Variants in C3orf70 observed in about 807,000 individuals in gnomAD.
C3orf70 encodes UPF0524 protein C3orf70.
A neutral mutation model predicts 20.7 loss-of-function variants in C3orf70; 15 were observed. The observed-to-expected ratio is 0.72, with a 90% CI of 0.48 to 1.11. The LOEUF is 1.11. Among genes scored for constraint, C3orf70 ranks in the 50% most tolerant of loss-of-function variants. C3orf70 has a pLI of 0.00. For missense variants in C3orf70, 332 were observed against 317.6 expected, an observed-to-expected ratio of 1.05 and a Z score of -0.34; for synonymous variants, 161 against 125.7, an observed-to-expected ratio of 1.28 and a Z score of -1.88.
intron 1 of C3orf70, among the ~76,000 whole-genome samples, chr3:185,092,341 C>A (rs61083784): frequency 0.024 from 3,651 of 152,142 alleles, 117 homozygotes; most frequent in African/African-American, 0.083. Flanking sequence ...GCCATCCCTG[C>A]CCAAGCCCAG....
chr3:185,085,958 G>A (rs985123185), intron 1 of C3orf70, among the ~76,000 whole-genome samples: 5 of 152,178 alleles, frequency 3.3e-5, no homozygotes, highest in African/African-American at 9.7e-5. Context: ...ACTGAGCTCA[G>A]GAGGCTGTGG....
At chr3:185,125,424 AACAAC>A (rs570879383) in intron 1 of C3orf70, among the ~76,000 whole-genome samples, 552 of 142,032 alleles carry the variant, frequency 3.9e-3, no homozygotes, top group Non-Finnish European at 4.2e-3. Flanking sequence ...CAACAACAAC[AACAAC>A]AAAAACCAGT....
chr3:185,100,051 A>G (rs1285406192), intron 1 of C3orf70, among the ~76,000 whole-genome samples: 1 of 152,202 alleles, frequency 6.6e-6, no homozygotes, highest in East Asian at 1.9e-4. Context: ...CCAGATTCAC[A>G]AAGCAAGTTC....
chr3:185,123,995 G>A (rs1202863311), intron 1 of C3orf70, among the ~76,000 whole-genome samples: 1 of 152,088 alleles, frequency 6.6e-6, no homozygotes, highest in Non-Finnish European at 1.5e-5. Context: ...AAATATTCGG[G>A]GAAAAACTGG....
chr3:185,083,131 CCTT>C lies in C3orf70; in HGVS notation c.626_628del (p.Glu209del), dbSNP rs755723232. On this transcript the variant is annotated inframe_deletion, in exon 2 of 2. Coordinates refer to ENST00000335012, the MANE Select transcript of C3orf70 (RefSeq NM_001025266.3). ...ATCTTCCTCTGAACTCAGTTCTGCT[CCTT>C]CTTCTGTGTCCTCGTCACACGATTC... 41 of 1,614,174 alleles carry C rather than the reference CCTT, an allele frequency of 2.5e-5. No individual in the cohort carries two copies. The highest frequency in any genetic ancestry group is 8.0e-5 in the African/African-American group (6 of 75,030).
In C3orf70 at chr3:185,110,125, A is replaced by G. The variant is rs997590151; in HGVS notation, c.197-26562T>C. The stretch of plus-strand genomic sequence containing the variant: ...TAGTGGCACCTCAACCTCATATGAT[A>G]TGGCCCGCTGTAGGAGCTAAACACA... On this transcript the variant is annotated intron_variant, in intron 1 of 1. Transcript: ENST00000335012. Among the ~76,000 whole-genome samples the G allele has an allele frequency of 2.0e-5, 3 of 152,346 alleles. No homozygotes were observed. The South Asian group carries it at 6.2e-4, about 32-fold the overall frequency.
chr3:185,134,536 A>G (rs959352516), intron 1 of C3orf70, among the ~76,000 whole-genome samples: 4 of 152,152 alleles, frequency 2.6e-5, no homozygotes, highest in Non-Finnish European at 5.9e-5. Flanking sequence ...GGGCTAAAAA[A>G]GTTGTCAATC....
At chr3:185,096,664 C>T (rs937955170) in intron 1 of C3orf70, among the ~76,000 whole-genome samples, 5 of 152,114 alleles carry the variant, frequency 3.3e-5, no homozygotes, top group South Asian at 2.1e-4. Flanking sequence ...GAAGGGTCTG[C>T]GGGAGGTCTG....
intron 1 of C3orf70, among the ~76,000 whole-genome samples, chr3:185,087,251 C>T (rs562543601): frequency 1.3e-5 from 2 of 152,294 alleles, no homozygotes; most frequent in South Asian, 2.1e-4. Context: ...GGAAAAGATA[C>T]TCAGAGTGAG....
chr3:185,108,265 T>A lies in C3orf70; in HGVS notation c.197-24702A>T, dbSNP rs192354053. On this transcript the variant is annotated intron_variant, in intron 1 of 1. Transcript: ENST00000335012. ...GGTCTAGCAATGGTAAAGCTTCTTA[T>A]TCTGGCTCAAAAAGTAAAGTTTTCC... Among the ~76,000 whole-genome samples the A allele has an allele frequency of 1.1e-4, 17 of 152,348 alleles. No homozygotes were observed. In the East Asian group the frequency reaches 3.3e-3, roughly 29 times the overall value.
At chr3:185,149,801 G>C (rs191263379) in intron 1 of C3orf70, among the ~76,000 whole-genome samples, 45 of 152,278 alleles carry the variant, frequency 3.0e-4, no homozygotes, top group African/African-American at 1.0e-3. Flanking sequence ...GTGGAGAACC[G>C]GAGGACTGCC....
At chr3:185,111,750 G>A (rs1258937371) in intron 1 of C3orf70, among the ~76,000 whole-genome samples, 3 of 152,092 alleles carry the variant, frequency 2.0e-5, no homozygotes, top group African/African-American at 7.2e-5. Context: ...ACTAGGAGAG[G>A]GTTCTCTTCT....
chr3:185,084,917 G>A (rs1321861870), intron 1 of C3orf70, among the ~76,000 whole-genome samples: 3 of 152,134 alleles, frequency 2.0e-5, no homozygotes, highest in Admixed American at 6.5e-5. Flanking sequence ...CCAATTTATC[G>A]GTTCATGTTG....
rs558961410 is a variant in C3orf70 at position 185,107,784 on chromosome 3, T to G, written c.197-24221A>C. ...TCAGTTATACAACCTATGTGAGCATTACAGCCAGGATTGCCTTCTCCTGCT... is the reference window on the plus strand; with the variant it reads ...TCAGTTATACAACCTATGTGAGCATGACAGCCAGGATTGCCTTCTCCTGCT... On this transcript the variant is annotated intron_variant, in intron 1 of 1. Coordinates refer to ENST00000335012, the MANE Select transcript of C3orf70 (RefSeq NM_001025266.3). Among the ~76,000 whole-genome samples the G allele has an allele frequency of 3.9e-5, 6 of 152,352 alleles. No individual in the cohort carries two copies. The South Asian group carries it at 1.2e-3, about 32-fold the overall frequency.
intron 1 of C3orf70, among the ~76,000 whole-genome samples, chr3:185,094,321 CCCACCTTGTCCT>C (rs959165950): frequency 1.3e-5 from 2 of 152,258 alleles, no homozygotes; most frequent in African/African-American, 4.8e-5. Context: ...AAGTGATCTG[CCCACCTTGTCCT>C]CCCAAAGTGC....
rs1230252125 is a variant in C3orf70 at position 185,106,903 on chromosome 3, T to C, written c.197-23340A>G. ...GATTACAATGAGGAAATTCAAATTG[T>C]TACATCTACTTCTGTTCCCTGGAAA... On this transcript the variant is annotated intron_variant, in intron 1 of 1. Transcript: ENST00000335012. 2.6e-5 allele frequency among the ~76,000 whole-genome samples: 4 copies of C among 152,222 alleles called. No homozygotes were observed. In the East Asian group the frequency reaches 7.7e-4, roughly 29 times the overall value.
intron 1 of C3orf70, among the ~76,000 whole-genome samples, chr3:185,108,212 A>T (rs965620004): frequency 6.6e-6 from 1 of 152,204 alleles, no homozygotes; most frequent in Non-Finnish European, 1.5e-5. Context: ...ATTTAAACCA[A>T]TTGAAGGTGC....
At chr3:185,133,573 T>C (rs1022132681) in intron 1 of C3orf70, among the ~76,000 whole-genome samples, 2 of 151,798 alleles carry the variant, frequency 1.3e-5, no homozygotes, top group Non-Finnish European at 2.9e-5. Context: ...CAAAACCCTG[T>C]CTCTACCAAA....
chr3:185,109,787 C>T (rs1716025193), intron 1 of C3orf70, among the ~76,000 whole-genome samples: 1 of 151,936 alleles, frequency 6.6e-6, no homozygotes, highest in Non-Finnish European at 1.5e-5. Context: ...CAGTATTTAC[C>T]ATAATAAATC....
Sources: allele counts gnomAD v4.1 joint callset (sites outside exome capture counted in the v4.1 genomes callset), GRCh38; gene constraint gnomAD v4.1.1; transcripts MANE v1.5; gene names NCBI Gene and HGNC (gene_info 2026-07-23, HGNC 2026-07-21).